Variants in MACROD2 observed in about 807,000 individuals in gnomAD.
The protein encoded by MACROD2 is ADP-ribose glycohydrolase MACROD2.
In MACROD2, 36 loss-of-function variants were observed where a neutral mutation model predicts 70.4. The ratio of observed to expected loss-of-function variants is 0.51; its 90% confidence interval spans 0.39 to 0.68. The LOEUF (loss-of-function observed/expected upper bound fraction) is 0.68, where lower values mean the gene tolerates loss of function less well. Among genes scored for constraint, MACROD2 ranks in the 30% least tolerant of loss-of-function variants. The probability of loss-of-function intolerance (pLI) is 0.00; values close to 1 mark genes in which losing one functional copy is unlikely to be tolerated. For synonymous variants in MACROD2, 172 were observed against 178.8 expected (o/e 0.96, Z 0.30); for missense variants, 496 against 538.4 (o/e 0.92, Z 0.78).
At chr20:14,555,400 G>C (rs1006098144) in intron 4 of MACROD2, among the ~76,000 whole-genome samples, 2 of 151,980 alleles carry the variant, frequency 1.3e-5, no homozygotes, top group African/African-American at 2.4e-5. Flanking sequence ...GCTCCTCCAA[G>C]TTCCACTGTT....
At chr20:15,926,240 T>G (rs975022939) in intron 10 of MACROD2, among the ~76,000 whole-genome samples, 28 of 152,208 alleles carry the variant, frequency 1.8e-4, no homozygotes, top group African/African-American at 6.0e-4. Flanking sequence ...ATGTGGAACC[T>G]CATGCTTCAT....
At chr20:15,543,933 G>T (rs888882135) in intron 8 of MACROD2, among the ~76,000 whole-genome samples, 2 of 152,240 alleles carry the variant, frequency 1.3e-5, no homozygotes, top group South Asian at 2.1e-4. Flanking sequence ...TCACCCAAAT[G>T]CTTTGCTAGA....
At chr20:14,191,899 G>C (rs2081391411) in intron 3 of MACROD2, among the ~76,000 whole-genome samples, 1 of 150,658 alleles carries the variant, frequency 6.6e-6, no homozygotes, top group Non-Finnish European at 1.5e-5. Context: ...GAGATGAGGA[G>C]CCATCAGAGG....
chr20:14,022,399 T>A (rs2053096920), intron 2 of MACROD2, among the ~76,000 whole-genome samples: 1 of 152,096 alleles, frequency 6.6e-6, no homozygotes, highest in Non-Finnish European at 1.5e-5. Flanking sequence ...AATAAATTGA[T>A]TAAATTATTC....
intron 8 of MACROD2, among the ~76,000 whole-genome samples, chr20:15,739,339 G>T (rs76887361): frequency 0.023 from 3,544 of 152,118 alleles, 62 homozygotes; most frequent in South Asian, 0.039. Flanking sequence ...GAGAGATAGG[G>T]GTTCAAATCT....
intron 3 of MACROD2, among the ~76,000 whole-genome samples, chr20:14,124,271 A>G (rs1027788998): frequency 1.3e-5 from 2 of 152,138 alleles, no homozygotes; most frequent in Non-Finnish European, 2.9e-5. Flanking sequence ...AATTGAATTG[A>G]AACTTCATTA....
intron 6 of MACROD2, among the ~76,000 whole-genome samples, chr20:15,381,804 G>A (rs2045648167): frequency 6.6e-6 from 1 of 152,204 alleles, no homozygotes; most frequent in Non-Finnish European, 1.5e-5. Flanking sequence ...GTGGACCAGA[G>A]ATGAGCCTCA....
At chr20:14,310,305 CT>C (rs1454203306) in intron 3 of MACROD2, among the ~76,000 whole-genome samples, 1 of 152,056 alleles carries the variant, frequency 6.6e-6, no homozygotes, top group Non-Finnish European at 1.5e-5. Flanking sequence ...ACCCTTGATC[CT>C]ACACTTAATG....
chr20:15,195,086 A>G (rs1396789911), intron 5 of MACROD2, among the ~76,000 whole-genome samples: 26 of 152,320 alleles, frequency 1.7e-4, no homozygotes, highest in Non-Finnish European at 2.9e-5. Flanking sequence ...AATTAACTCA[A>G]TATTGATTAA....
chr20:14,880,536 A>G (rs2073599265), intron 5 of MACROD2, among the ~76,000 whole-genome samples: 1 of 152,170 alleles, frequency 6.6e-6, no homozygotes, highest in Admixed American at 6.5e-5. Flanking sequence ...TGCATCTGAC[A>G]TGGCTAAAAC....
intron 4 of MACROD2, among the ~76,000 whole-genome samples, chr20:14,494,726 T>C (rs1336268803): frequency 6.6e-6 from 1 of 152,190 alleles, no homozygotes; most frequent in Non-Finnish European, 1.5e-5. Flanking sequence ...CATAAATGTC[T>C]ATTTCTTTTC....
chr20:14,394,548 A>T (rs1195296146), intron 3 of MACROD2, among the ~76,000 whole-genome samples: 10 of 152,126 alleles, frequency 6.6e-5, no homozygotes, highest in Admixed American at 4.6e-4. Flanking sequence ...TTCCTTTCTT[A>T]TATGAATGCC....
chr20:14,483,154 C>G (rs1218199451), intron 3 of MACROD2, among the ~76,000 whole-genome samples: 1 of 152,136 alleles, frequency 6.6e-6, no homozygotes, highest in Non-Finnish European at 1.5e-5. Context: ...CCATTGCATT[C>G]CATTTCTCTT....
chr20:14,071,463 T>C (rs2053841194), intron 2 of MACROD2, among the ~76,000 whole-genome samples: 1 of 151,890 alleles, frequency 6.6e-6, no homozygotes, highest in African/African-American at 2.4e-5. Context: ...GGTTTCACCA[T>C]GTTAGCCAGG....
intron 3 of MACROD2, among the ~76,000 whole-genome samples, chr20:14,346,297 T>G (rs1473690968): frequency 6.6e-6 from 1 of 152,118 alleles, no homozygotes; most frequent in Non-Finnish European, 1.5e-5. Flanking sequence ...GACGTATGAA[T>G]GTAGTGTTTC....
At chr20:14,061,449 G>A (rs557574333) in intron 2 of MACROD2, among the ~76,000 whole-genome samples, 14 of 152,146 alleles carry the variant, frequency 9.2e-5, no homozygotes, top group African/African-American at 3.1e-4. Flanking sequence ...ATACAGGTTG[G>A]TGGTTGTGCA....
At chr20:15,479,265 CTTT>C (rs767435610) in intron 7 of MACROD2, among the ~76,000 whole-genome samples, 9 of 87,758 alleles carry the variant, frequency 1.0e-4, no homozygotes, top group African/African-American at 3.3e-4. Context: ...TTCTCGCTCT[CTTT>C]TTTTTTTTTT....
chr20:16,051,181 C>T lies in MACROD2; in HGVS notation c.*1305C>T, dbSNP rs1329661456. ...GTCATTGTTTTCAGTGGAAACATAT[C>T]GTTTGTTGCATATCTTCTTAAATCC... On this transcript the variant is annotated 3_prime_UTR_variant, in exon 18 of 18. Transcript: ENST00000684519. 5.9e-5 allele frequency: 9 copies of T among 152,210 alleles called. No homozygotes were observed. Among genetic ancestry groups the T allele is most frequent in the Admixed American group, 3.9e-4 (6 of 15,272 alleles). The allele number at this position is 152,210 out of a possible 1,614,324, so 9.4% of individuals were successfully genotyped here. A position where few individuals can be genotyped will look rare whatever the true frequency, so the allele number is the denominator to read the frequency against.
chr20:15,280,644 C>T (rs1234973370), intron 6 of MACROD2: 1 of 152,186 alleles, frequency 6.6e-6, no homozygotes, highest in Non-Finnish European at 1.5e-5. Context: ...GCACTTGGCA[C>T]AAGTTATTTC....
Sources: gnomAD v4.1 joint callset for allele counts (sites outside exome capture counted in the v4.1 genomes callset) on GRCh38, gnomAD v4.1.1 for gene constraint, MANE v1.5 for transcripts, NCBI Gene and HGNC (gene_info 2026-07-23, HGNC 2026-07-21) for gene names.